Variants in TRPS1 observed in about 807,000 individuals in gnomAD.
TRPS1 encodes zinc finger transcription factor Trps1.
Under a neutral mutation model 101.2 loss-of-function variants are expected in TRPS1, and 6 were observed. That is an observed-to-expected ratio of 0.06 (90% confidence interval 0.03 to 0.12). The LOEUF (loss-of-function observed/expected upper bound fraction) is 0.12. Among genes scored for constraint, TRPS1 ranks in the 10% least tolerant of loss-of-function variants. The probability of loss-of-function intolerance (pLI) is 1.00; values close to 1 mark genes in which losing one functional copy is unlikely to be tolerated. For synonymous variants in TRPS1, 578 were observed against 589.8 expected (o/e 0.98, Z 0.29); for missense variants, 1,363 against 1,567.0 (o/e 0.87, Z 2.20).
chr8:115,663,551 T>G (rs1433583450), intron 1 of TRPS1, among the ~76,000 whole-genome samples: 1 of 151,924 alleles, frequency 6.6e-6, no homozygotes, highest in Admixed American at 6.6e-5. Flanking sequence ...GAAACACACT[T>G]AAGAACGACA....
At chr8:115,665,771 A>G (rs1298603614) in intron 1 of TRPS1, among the ~76,000 whole-genome samples, 1 of 152,214 alleles carries the variant, frequency 6.6e-6, no homozygotes, top group Non-Finnish European at 1.5e-5. Context: ...GACAAAGGAC[A>G]AAACCTAAAT....
chr8:115,532,896 C>T (rs772633298), intron 5 of TRPS1, among the ~76,000 whole-genome samples: 1 of 152,038 alleles, frequency 6.6e-6, no homozygotes, highest in Non-Finnish European at 1.5e-5. Context: ...CAAAGAGGAA[C>T]ATTATCAGAT....
intron 5 of TRPS1, among the ~76,000 whole-genome samples, chr8:115,426,861 C>T (rs140348372): frequency 4.5e-4 from 69 of 152,244 alleles, no homozygotes; most frequent in Non-Finnish European, 8.5e-4. Flanking sequence ...TTACTAATTA[C>T]TATTACTCTC....
chr8:115,579,625 T>A (rs921297260), intron 5 of TRPS1, among the ~76,000 whole-genome samples: 2 of 1,458 alleles, frequency 1.4e-3, no homozygotes, highest in African/African-American at 6.1e-3. Flanking sequence ...CCTTTTTTAA[T>A]GGTAGCAAAA....
intron 5 of TRPS1, among the ~76,000 whole-genome samples, chr8:115,503,259 C>A (rs78328768): frequency 0.01 from 1,342 of 128,388 alleles, no homozygotes; most frequent in Non-Finnish European, 0.011. Context: ...GACTCTGTCT[C>A]AAAAAAAAAA....
intron 5 of TRPS1, among the ~76,000 whole-genome samples, chr8:115,427,417 G>T (rs1342295745): frequency 6.6e-6 from 1 of 151,990 alleles, no homozygotes; most frequent in Non-Finnish European, 1.5e-5. Flanking sequence ...CATATGATAG[G>T]CCTAGTCTCA....
chr8:115,654,918 T>G (rs1402178553), intron 1 of TRPS1, among the ~76,000 whole-genome samples: 1 of 152,206 alleles, frequency 6.6e-6, no homozygotes, highest in Non-Finnish European at 1.5e-5. Flanking sequence ...AATGACATTT[T>G]AATTCTATTC....
intron 1 of TRPS1, among the ~76,000 whole-genome samples, chr8:115,629,518 T>C (rs1184445489): frequency 6.6e-6 from 1 of 151,884 alleles, no homozygotes; most frequent in Admixed American, 6.6e-5. Flanking sequence ...TATCACTGCA[T>C]AAAGAAGCTC....
intron 5 of TRPS1, among the ~76,000 whole-genome samples, chr8:115,425,335 C>G (rs1439858970): frequency 1.3e-5 from 2 of 152,208 alleles, no homozygotes; most frequent in African/African-American, 4.8e-5. Flanking sequence ...AAGCACCCAT[C>G]TTATAATCAC....
At chr8:115,452,697 C>T (rs1164750301) in intron 5 of TRPS1, among the ~76,000 whole-genome samples, 1 of 152,128 alleles carries the variant, frequency 6.6e-6, no homozygotes, top group African/African-American at 2.4e-5. Context: ...TTGGATAAGA[C>T]TCAGATGCCT....
rs796303518 is a variant in TRPS1, at chr8:115,478,801, CA to C, written c.2701-60350del. Among the ~76,000 whole-genome samples the C allele has an allele frequency of 7.8e-4, 95 of 121,926 alleles. No homozygotes were observed. The South Asian group carries it at 8.2e-3, about 11-fold the overall frequency. 80.0% of individuals were successfully genotyped at this position (121,926 alleles called of 152,430 possible). A position where few individuals can be genotyped will look rare whatever the true frequency, so the allele number is the denominator to read the frequency against. On this transcript the variant is annotated intron_variant, in intron 5 of 6. Coordinates refer to ENST00000395715, the MANE Select transcript of TRPS1 (RefSeq NM_014112.5). ...CTTGGGCGAGAGTGAGACTTGATCT[CA>C]AAAAAAAAAAGTATATATATATGTA... is the stretch of plus-strand genomic sequence containing the variant.
chr8:115,647,260 G>A (rs1811432296), intron 1 of TRPS1, among the ~76,000 whole-genome samples: 3 of 152,012 alleles, frequency 2.0e-5, no homozygotes, highest in African/African-American at 7.2e-5. Context: ...TTCATGATAT[G>A]GCCTTACTAA....
chr8:115,490,543 C>T (rs943881212), intron 5 of TRPS1, among the ~76,000 whole-genome samples: 1 of 152,088 alleles, frequency 6.6e-6, no homozygotes, highest in Admixed American at 6.5e-5. Context: ...TTCATAATTA[C>T]ACTAGAAGCA....
intron 1 of TRPS1, among the ~76,000 whole-genome samples, chr8:115,634,452 A>G (rs1471956788): frequency 1.3e-5 from 2 of 152,228 alleles, no homozygotes; most frequent in Admixed American, 1.3e-4. Context: ...GTAGCACTCT[A>G]TAGGATAACT....
chr8:115,505,192 G>A (rs1815412142), intron 5 of TRPS1, among the ~76,000 whole-genome samples: 1 of 152,066 alleles, frequency 6.6e-6, no homozygotes, highest in Non-Finnish European at 1.5e-5. Flanking sequence ...CAAATGTACA[G>A]AAAAGACAAA....
chr8:115,447,631 G>T (rs951779031), intron 5 of TRPS1, among the ~76,000 whole-genome samples: 1 of 151,888 alleles, frequency 6.6e-6, no homozygotes, highest in Non-Finnish European at 1.5e-5. Flanking sequence ...AAAAACTTCA[G>T]TTACACTTTA....
chr8:115,443,029 G>A (rs927922150), intron 5 of TRPS1, among the ~76,000 whole-genome samples: 1 of 151,832 alleles, frequency 6.6e-6, no homozygotes, highest in Non-Finnish European at 1.5e-5. Context: ...TTGGGAGGCG[G>A]AGCTTGCAGC....
chr8:115,657,292 G>T (rs1169223743), intron 1 of TRPS1, among the ~76,000 whole-genome samples: 1 of 152,066 alleles, frequency 6.6e-6, no homozygotes, highest in Non-Finnish European at 1.5e-5. Context: ...TGATATTCAT[G>T]TCGTAGCTCC....
intron 5 of TRPS1, among the ~76,000 whole-genome samples, chr8:115,545,937 G>A (rs1032406322): frequency 6.6e-6 from 1 of 151,960 alleles, no homozygotes; most frequent in African/African-American, 2.4e-5. Context: ...ATATCACAGA[G>A]TACAATAAAA....
Sources: gnomAD v4.1 joint callset for allele counts (sites outside exome capture counted in the v4.1 genomes callset) on GRCh38, gnomAD v4.1.1 for gene constraint, MANE v1.5 for transcripts, NCBI Gene and HGNC (gene_info 2026-07-23, HGNC 2026-07-21) for gene names.